Variants in BIVM observed in about 807,000 individuals in gnomAD.
BIVM encodes the protein basic, immunoglobulin-like variable motif containing, also known as basic immunoglobulin-like variable motif-containing protein.
BIVM carries 31 observed loss-of-function variants against 61.4 expected under a neutral mutation model. The observed-to-expected ratio is 0.51, with a 90% confidence interval of 0.38 to 0.68. BIVM has a LOEUF of 0.68. Among genes scored for constraint, BIVM ranks in the 30% least tolerant of loss-of-function variants. BIVM has a pLI of 0.00. For synonymous variants in BIVM, 189 were observed against 210.7 expected (o/e 0.90, Z 0.89); for missense variants, 526 against 596.0 (o/e 0.88, Z 1.22).
intron 3 of BIVM, among the ~76,000 whole-genome samples, chr13:102,815,951 T>C (rs1879844365): frequency 6.6e-6 from 1 of 152,268 alleles, no homozygotes. Flanking sequence ...ATCACATTAA[T>C]GGATCTGGTG....
intron 1 of BIVM, among the ~76,000 whole-genome samples, chr13:102,799,823 G>A (rs1878624574): frequency 6.6e-6 from 1 of 152,220 alleles, no homozygotes; most frequent in African/African-American, 2.4e-5. Context: ...GAAGGGCCTA[G>A]CCCTCTGGTG....
At chr13:102,802,745 C>CTTTTTT (rs35905954) in intron 1 of BIVM, among the ~76,000 whole-genome samples, 2 of 132,152 alleles carry the variant, frequency 1.5e-5, no homozygotes, top group Non-Finnish European at 3.2e-5. Flanking sequence ...TCTCTCTTTC[C>CTTTTTT]TTTTTTTTTT....
chr13:102,824,602 T>C (rs1161296638), intron 7 of BIVM, among the ~76,000 whole-genome samples: 2 of 152,174 alleles, frequency 1.3e-5, no homozygotes, highest in Non-Finnish European at 2.9e-5. Flanking sequence ...AGCTGCTTGA[T>C]GCAGCTGCTT....
chr13:102,832,847 A>T (rs1881185488), intron 8 of BIVM, among the ~76,000 whole-genome samples: 1 of 152,206 alleles, frequency 6.6e-6, no homozygotes, highest in African/African-American at 2.4e-5. Flanking sequence ...TCTTTGTGGA[A>T]GAGATGATCC....
intron 8 of BIVM, among the ~76,000 whole-genome samples, chr13:102,831,997 T>TA (rs1881125903): frequency 2.0e-5 from 3 of 151,454 alleles, no homozygotes; most frequent in Admixed American, 1.3e-4. Flanking sequence ...AAAAAAAAAT[T>TA]AAAAAAATTA....
At chr13:102,809,721 A>G (rs1034608371) in intron 3 of BIVM, among the ~76,000 whole-genome samples, 2 of 152,100 alleles carry the variant, frequency 1.3e-5, no homozygotes, top group African/African-American at 4.8e-5. Flanking sequence ...GGCATTAAGT[A>G]CATTTACGTT....
chr13:102,832,693 C>T (rs1391443640), intron 8 of BIVM, among the ~76,000 whole-genome samples: 1 of 152,144 alleles, frequency 6.6e-6, no homozygotes, highest in African/African-American at 2.4e-5. Flanking sequence ...TCTGGGTTCC[C>T]CCTTTGTCCT....
chr13:102,807,288 A>G lies in BIVM; in HGVS notation c.21A>G (p.Thr7=), dbSNP rs367573721. The change falls in exon 3 of 11, where the codon ACA becomes ACG. Residue 7 remains threonine (T), a synonymous_variant. Transcript: ENST00000257336. The surrounding 1 kb of genome is among the most constrained non-coding windows in gnomAD (Gnocchi z 4.0). The part of the protein sequence containing the change: MPNVAE[T]ERSNDSGNGE... ...ATTCAATGCCTAACGTTGCAGAAACAGAAAGGTCAAATGATTCTGGAAATG... is the reference window on the plus strand; with the variant it reads ...ATTCAATGCCTAACGTTGCAGAAACGGAAAGGTCAAATGATTCTGGAAATG... The G allele has an allele frequency of 4.4e-6, 7 of 1,607,952 alleles. No individual in the cohort carries two copies. The highest frequency in any genetic ancestry group is 1.3e-5 in the African/African-American group (1 of 74,924).
chr13:102,817,170 C>A (rs1363910663), intron 4 of BIVM, among the ~76,000 whole-genome samples: 2 of 152,098 alleles, frequency 1.3e-5, no homozygotes, highest in African/African-American at 4.8e-5. Context: ...TTTAAAAATT[C>A]TATTATTTTA....
chr13:102,801,667 G>A (rs967816992), intron 1 of BIVM: 9 of 152,176 alleles, frequency 5.9e-5, no homozygotes, highest in African/African-American at 2.2e-4. Context: ...ATTATCTGTT[G>A]AATGAGACGT....
intron 7 of BIVM, among the ~76,000 whole-genome samples, chr13:102,825,526 A>C (rs1880613665): frequency 6.6e-6 from 1 of 152,210 alleles, no homozygotes; most frequent in Non-Finnish European, 1.5e-5. Context: ...TAGAGGATGA[A>C]GCCTAAATTC....
chr13:102,841,399 G>A lies in BIVM; in HGVS notation c.*1534G>A, dbSNP rs1017052879. 2.6e-5 allele frequency: 4 copies of A among 152,488 alleles called. No homozygotes were observed. Among genetic ancestry groups the A allele is most frequent in the Admixed American group, 2.6e-4 (4 of 15,252 alleles). 9.4% of individuals were successfully genotyped at this position (152,488 alleles called of 1,614,324 possible). On this transcript the variant is annotated 3_prime_UTR_variant, in exon 11 of 11. Transcript: ENST00000257336. Reference sequence around the variant, plus strand: ...CAGAAGGGGATATATATTATGAAATGGTCATTTTTCTGAAGAGAATATTTT... The same window carrying A: ...CAGAAGGGGATATATATTATGAAATAGTCATTTTTCTGAAGAGAATATTTT...
At chr13:102,823,937 T>G (rs1478789655) in intron 7 of BIVM, among the ~76,000 whole-genome samples, 3 of 152,216 alleles carry the variant, frequency 2.0e-5, no homozygotes, top group African/African-American at 7.2e-5. Flanking sequence ...GTCTCTTGTT[T>G]CTTCTGGATC....
intron 3 of BIVM, among the ~76,000 whole-genome samples, chr13:102,808,897 T>A (rs1879290352): frequency 6.6e-6 from 1 of 152,178 alleles, no homozygotes; most frequent in South Asian, 2.1e-4. Context: ...TTTTGCATCC[T>A]AATACTGGTA....
chr13:102,825,191 C>G (rs894690649), intron 7 of BIVM, among the ~76,000 whole-genome samples: 1 of 152,076 alleles, frequency 6.6e-6, no homozygotes, highest in Admixed American at 6.6e-5. Flanking sequence ...GTGATCCGCC[C>G]GCCTCGGCCT....
At chr13:102,834,616 A>G (rs761101064) in intron 9 of BIVM, 64 bp downstream of exon 9, 167 of 1,439,032 alleles carry the variant, frequency 1.2e-4, no homozygotes, top group Non-Finnish European at 3.6e-5. Flanking sequence ...AAATGCACAG[A>G]TCTTAGTTGT....
intron 7 of BIVM, 110 bp from the exon 8 acceptor site, chr13:102,831,455 G>A (rs1234903040): frequency 6.1e-6 from 9 of 1,481,076 alleles, no homozygotes; most frequent in African/African-American, 2.8e-5. Flanking sequence ...CAGTGTCAGT[G>A]TATTCCAAGT....
intron 9 of BIVM, among the ~76,000 whole-genome samples, chr13:102,835,807 A>G (rs1481985475): frequency 6.6e-6 from 1 of 152,212 alleles, no homozygotes; most frequent in African/African-American, 2.4e-5. Context: ...TGTTGGGATT[A>G]CAGGCGTGAG....
At chr13:102,816,673 T>A in intron 4 of BIVM, 119 bp downstream of exon 4, 1 of 948,600 alleles carries the variant, frequency 1.1e-6, no homozygotes, top group Non-Finnish European at 1.4e-6. Flanking sequence ...TTTCTAAAAT[T>A]ATTACCAGGA....
Sources: gnomAD v4.1 joint callset for allele counts (sites outside exome capture counted in the v4.1 genomes callset) on GRCh38, gnomAD v4.1.1 for gene constraint, Gnocchi (gnomAD v3.1) non-coding constraint, MANE v1.5 for transcripts, NCBI Gene and HGNC (gene_info 2026-07-23, HGNC 2026-07-21) for gene names.